LDLRAD4: variants seen among roughly 807,000 people sequenced by gnomAD.
LDLRAD4 encodes low-density lipoprotein receptor class A domain-containing protein 4.
In LDLRAD4, 5 loss-of-function variants were observed where a neutral mutation model predicts 17.0. The ratio of observed to expected loss-of-function variants is 0.29; its 90% CI spans 0.15 to 0.62. The LOEUF (loss-of-function observed/expected upper bound fraction) is 0.62. Ranked by LOEUF, LDLRAD4 falls within the 20% of genes least tolerant of loss-of-function variation. The probability of loss-of-function intolerance (pLI) is 0.84; values close to 1 mark genes in which losing one functional copy is unlikely to be tolerated. For missense variants in LDLRAD4, 340 were observed against 424.7 expected (o/e 0.80, Z 1.75); for synonymous variants, 168 against 171.8 (o/e 0.98, Z 0.17).
chr18:13,612,543 ACACC>A, intron 3 of LDLRAD4: 2 of 1,375,508 alleles, frequency 1.5e-6, no homozygotes, highest in African/African-American at 3.8e-5. Flanking sequence ...AGACAGAAAC[ACACC>A]CCCCCCCCCT....
At chr18:13,560,442 C>T (rs1343220900) in intron 3 of LDLRAD4, among the ~76,000 whole-genome samples, 1 of 152,184 alleles carries the variant, frequency 6.6e-6, no homozygotes, top group African/African-American at 2.4e-5. Flanking sequence ...CTTGAAGGGA[C>T]CTGCATCGTA....
chr18:13,435,184 G>A (rs1312683196), intron 2 of LDLRAD4, among the ~76,000 whole-genome samples: 2 of 152,230 alleles, frequency 1.3e-5, no homozygotes, highest in African/African-American at 4.8e-5. Context: ...GTGGAAGCCT[G>A]CCTCTGTCAA....
At chr18:13,477,775 G>A (rs917878645) in intron 3 of LDLRAD4, among the ~76,000 whole-genome samples, 1 of 152,192 alleles carries the variant, frequency 6.6e-6, no homozygotes, top group Non-Finnish European at 1.5e-5. Flanking sequence ...AAGGAGAAAG[G>A]GGGTGCAGAA....
upstream of LDLRAD4, among the ~76,000 whole-genome samples, chr18:13,273,686 C>T (rs1473900945): frequency 1.3e-5 from 2 of 152,184 alleles, no homozygotes; most frequent in Admixed American, 6.5e-5. Context: ...GGCCAGGCTT[C>T]TCTTCAACTT....
intron 3 of LDLRAD4, among the ~76,000 whole-genome samples, chr18:13,616,468 G>T (rs2040088671): frequency 6.6e-6 from 1 of 152,214 alleles, no homozygotes; most frequent in Non-Finnish European, 1.5e-5. Context: ...TGTTGCTAGT[G>T]TTCTGGCTCC....
At chr18:13,528,524 GCTGGTCTCAAACTC>G (rs2094072204) in intron 3 of LDLRAD4, among the ~76,000 whole-genome samples, 1 of 152,070 alleles carries the variant, frequency 6.6e-6, no homozygotes, top group Admixed American at 6.6e-5. Flanking sequence ...TGTTAGCCGG[GCTGGTCTCAAACTC>G]CTGACCTCGG....
chr18:13,322,084 G>GA (rs1463849550), intron 1 of LDLRAD4, among the ~76,000 whole-genome samples: 2 of 150,448 alleles, frequency 1.3e-5, no homozygotes, highest in South Asian at 4.2e-4. Context: ...TTTATCCTAA[G>GA]AAAAAAAATC....
At chr18:13,406,361 G>A (rs2087751057) in intron 2 of LDLRAD4, among the ~76,000 whole-genome samples, 1 of 152,184 alleles carries the variant, frequency 6.6e-6, no homozygotes, top group Non-Finnish European at 1.5e-5. Context: ...ACAGTGACCT[G>A]TAAGCAAGAA....
chr18:13,408,165 G>T (rs1216893045), intron 2 of LDLRAD4, among the ~76,000 whole-genome samples: 1 of 152,026 alleles, frequency 6.6e-6, no homozygotes, highest in African/African-American at 2.4e-5. Flanking sequence ...CTTGAGGCTG[G>T]GAGTTCGAGA....
At chr18:13,279,929 T>C (rs1209785524) in intron 1 of LDLRAD4, 2 of 152,250 alleles carry the variant, frequency 1.3e-5, no homozygotes, top group East Asian at 1.9e-4. Context: ...ACTTGCAAAA[T>C]TTTGTCCCTT....
At chr18:13,445,403 T>C (rs1362213813) in intron 3 of LDLRAD4, among the ~76,000 whole-genome samples, 2 of 151,856 alleles carry the variant, frequency 1.3e-5, no homozygotes, top group African/African-American at 4.8e-5. Flanking sequence ...TGTGACTCCA[T>C]GTGGTGTGTG....
intron 3 of LDLRAD4, chr18:13,612,745 C>T: frequency 5.0e-6 from 8 of 1,613,720 alleles, no homozygotes; most frequent in Non-Finnish European, 6.8e-6. Context: ...CTGAAGGAGG[C>T]TCAGTTCAAA....
intron 3 of LDLRAD4, among the ~76,000 whole-genome samples, chr18:13,540,413 A>T (rs2094260908): frequency 6.6e-6 from 1 of 152,214 alleles, no homozygotes. Context: ...GCTGGGACTC[A>T]TATTTTTTTT....
intron 3 of LDLRAD4, among the ~76,000 whole-genome samples, chr18:13,507,622 C>A (rs948749386): frequency 6.6e-6 from 1 of 152,196 alleles, no homozygotes; most frequent in African/African-American, 2.4e-5. Flanking sequence ...CTGCTATAAA[C>A]ATGCATGCAT....
intron 1 of LDLRAD4, among the ~76,000 whole-genome samples, chr18:13,298,815 G>A (rs1599222160): frequency 6.6e-6 from 1 of 152,308 alleles, no homozygotes; most frequent in Admixed American, 6.5e-5. Context: ...CCTGAACTTG[G>A]GATTGCTCTG....
chr18:13,265,251 C>T (rs2044150168), intron 1 of LDLRAD4, among the ~76,000 whole-genome samples: 1 of 152,244 alleles, frequency 6.6e-6, no homozygotes, highest in Non-Finnish European at 1.5e-5. Flanking sequence ...TTCCAAACTC[C>T]TGGTCTAGGA....
At chr18:13,404,473 G>A (rs2087534375) in intron 2 of LDLRAD4, among the ~76,000 whole-genome samples, 1 of 152,208 alleles carries the variant, frequency 6.6e-6, no homozygotes, top group Non-Finnish European at 1.5e-5. Flanking sequence ...TCCTGTGCTG[G>A]GCGCTGCACT....
intron 2 of LDLRAD4, among the ~76,000 whole-genome samples, chr18:13,396,890 C>T (rs1332406223): frequency 6.6e-6 from 1 of 152,160 alleles, no homozygotes; most frequent in African/African-American, 2.4e-5. Flanking sequence ...GCTGACGGTA[C>T]AGCTGTAGAG....
intron 1 of LDLRAD4, among the ~76,000 whole-genome samples, chr18:13,363,704 T>A (rs1185928545): frequency 6.6e-6 from 1 of 152,228 alleles, no homozygotes; most frequent in African/African-American, 2.4e-5. Context: ...ATATGTAGTG[T>A]CAGGAGGAGT....
Sources: allele counts gnomAD v4.1 joint callset (sites outside exome capture counted in the v4.1 genomes callset), GRCh38; gene constraint gnomAD v4.1.1; transcripts MANE v1.5; gene names NCBI Gene and HGNC (gene_info 2026-07-23, HGNC 2026-07-21).